The following GPC6 variants were observed in gnomAD, a reference collection of about 807,000 sequenced individuals.
The protein encoded by GPC6 is glypican 6.
Under a neutral mutation model 55.2 loss-of-function variants are expected in GPC6, and 14 were observed. The ratio of observed to expected loss-of-function variants is 0.25; its 90% CI spans 0.17 to 0.40. The LOEUF (loss-of-function observed/expected upper bound fraction) is 0.40, where lower values mean the gene tolerates loss of function less well. GPC6 is among the 10% of genes least tolerant of loss of function. The pLI, the probability that GPC6 is intolerant of heterozygous loss-of-function variation, is 1.00. For synonymous variants in GPC6, 278 were observed against 259.6 expected, an observed-to-expected ratio of 1.07 and a Z score of -0.68; for missense variants, 641 against 708.5, an observed-to-expected ratio of 0.90 and a Z score of 1.08.
In GPC6 at chr13:93,732,926, T is replaced by A. The variant is rs537848683; in HGVS notation, c.320-97228T>A. Among the ~76,000 whole-genome samples the A allele has an allele frequency of 3.3e-5, 5 of 152,150 alleles. No homozygotes were observed. The South Asian group carries it at 6.2e-4, about 19-fold the overall frequency. On this transcript the variant is annotated intron_variant, in intron 2 of 8. Coordinates refer to ENST00000377047, the MANE Select transcript of GPC6 (RefSeq NM_005708.5). ...TTATTAATGAAATATTTTACGTTGT[T>A]TTTTTTCTGTACCAGTCTTTGAAAT...
chr13:93,510,328 C>A (rs780517656), intron 1 of GPC6, among the ~76,000 whole-genome samples: 15 of 152,074 alleles, frequency 9.9e-5, no homozygotes, highest in Non-Finnish European at 2.1e-4. Flanking sequence ...CCCAAATCAG[C>A]CTTCTCAGTC....
intron 3 of GPC6, among the ~76,000 whole-genome samples, chr13:93,839,845 G>T (rs1439088203): frequency 6.6e-6 from 1 of 152,092 alleles, no homozygotes; most frequent in African/African-American, 2.4e-5. Context: ...TTATTTTTTT[G>T]ATATGTTGTT....
At chr13:94,028,885 A>G (rs918611757) in intron 4 of GPC6, among the ~76,000 whole-genome samples, 2 of 152,222 alleles carry the variant, frequency 1.3e-5, no homozygotes, top group Non-Finnish European at 2.9e-5. Flanking sequence ...AGGAAAATAC[A>G]CAGGCCTTGA....
At chr13:94,192,334 T>C (rs935859580) in intron 4 of GPC6, among the ~76,000 whole-genome samples, 1 of 152,186 alleles carries the variant, frequency 6.6e-6, no homozygotes, top group Admixed American at 6.5e-5. Context: ...TTTTGCCACA[T>C]TGGGGATAAA....
rs191382869 is a variant in GPC6 at position 93,230,580 on chromosome 13, A to T, written c.160+2964A>T. On this transcript the variant is annotated intron_variant, in intron 1 of 8. Coordinates refer to ENST00000377047, the MANE Select transcript of GPC6 (RefSeq NM_005708.5). Reference sequence around the variant, plus strand: ...TATTTAGCAATTCTTGTGGTATAGAAATGTTTCCAGATATCTAGCCAAAAG... The same window carrying T: ...TATTTAGCAATTCTTGTGGTATAGATATGTTTCCAGATATCTAGCCAAAAG... 3.5e-3 allele frequency among the ~76,000 whole-genome samples: 530 copies of T among 152,272 alleles called. 1 individual carries two copies. Among genetic ancestry groups the T allele is most frequent in the Non-Finnish European group, 5.3e-3 (361 of 67,986 alleles).
chr13:93,688,311 T>A (rs1249194204), intron 2 of GPC6, among the ~76,000 whole-genome samples: 1 of 152,096 alleles, frequency 6.6e-6, no homozygotes, highest in Admixed American at 6.6e-5. Context: ...TAGACTTTAT[T>A]AGTGCTTAGA....
chr13:93,422,816 T>TAG (rs1293463424), intron 1 of GPC6, among the ~76,000 whole-genome samples: 14 of 152,288 alleles, frequency 9.2e-5, no homozygotes, highest in Middle Eastern at 6.8e-3. Flanking sequence ...GTTTTCTCTG[T>TAG]AAAAAAGGTC....
intron 1 of GPC6, among the ~76,000 whole-genome samples, chr13:93,506,677 T>G (rs1279439610): frequency 6.6e-6 from 1 of 151,870 alleles, no homozygotes. Context: ...ATAAGCATGG[T>G]GGTTTCTATT....
At chr13:93,676,190 C>CAT (rs1310036583) in intron 2 of GPC6, among the ~76,000 whole-genome samples, 1 of 75,194 alleles carries the variant, frequency 1.3e-5, no homozygotes, top group African/African-American at 4.2e-5. Flanking sequence ...CACACACACA[C>CAT]ATATATATGT....
intron 6 of GPC6, among the ~76,000 whole-genome samples, chr13:94,371,915 C>T (rs1197364703): frequency 6.6e-6 from 1 of 152,152 alleles, no homozygotes; most frequent in Admixed American, 6.5e-5. Context: ...CATGATCACA[C>T]TTAAGAAAAT....
At chr13:94,308,124 A>G (rs1759399265) in intron 6 of GPC6, among the ~76,000 whole-genome samples, 1 of 152,218 alleles carries the variant, frequency 6.6e-6, no homozygotes, top group South Asian at 2.1e-4. Flanking sequence ...GAATAATATA[A>G]TGATATGTAT....
At chr13:93,385,129 G>C (rs1464423036) in intron 1 of GPC6, among the ~76,000 whole-genome samples, 1 of 152,228 alleles carries the variant, frequency 6.6e-6, no homozygotes, top group African/African-American at 2.4e-5. Flanking sequence ...ACAGTCCTAG[G>C]CTGGGAAACC....
chr13:93,613,014 C>G (rs1312036126), intron 2 of GPC6, among the ~76,000 whole-genome samples: 1 of 152,160 alleles, frequency 6.6e-6, no homozygotes, highest in Non-Finnish European at 1.5e-5. Flanking sequence ...TGTAACCTAA[C>G]AGTTGTGAAG....
chr13:93,927,657 A>T (rs950293500), intron 3 of GPC6, among the ~76,000 whole-genome samples: 1 of 150,462 alleles, frequency 6.6e-6, no homozygotes, highest in African/African-American at 2.5e-5. Context: ...CAAGTTACTT[A>T]ATCTGTCTTA....
chr13:93,813,802 T>G (rs1243060536), intron 2 of GPC6, among the ~76,000 whole-genome samples: 1 of 151,968 alleles, frequency 6.6e-6, no homozygotes, highest in Non-Finnish European at 1.5e-5. Context: ...AGTGTATTTT[T>G]TTTTAAAAAA....
chr13:93,219,694 T>C, the GPC6 span, among the ~76,000 whole-genome samples: 1 of 152,214 alleles, frequency 6.6e-6, no homozygotes, highest in East Asian at 1.9e-4. Flanking sequence ...GCTTTGAGTA[T>C]GCTATTTAAT....
At chr13:93,626,801 C>CAA (rs57272841) in intron 2 of GPC6, among the ~76,000 whole-genome samples, 1,319 of 67,442 alleles carry the variant, frequency 0.02, 23 homozygotes, top group African/African-American at 0.066. Context: ...GACTGCATCT[C>CAA]AAAAAAAAAA....
chr13:93,964,456 T>C (rs533329376), intron 3 of GPC6, among the ~76,000 whole-genome samples: 11 of 152,164 alleles, frequency 7.2e-5, no homozygotes, highest in Non-Finnish European at 5.9e-5. Flanking sequence ...CAACAGAATA[T>C]TCAGAATCAC....
rs144706387 is a variant in GPC6, at chr13:94,109,221, A to G, written c.877+81327A>G. ...TTATGACTGTCATGAATGAGTGCCC[A>G]GTGGATGGGTGCTATGGCAGCAGAG... On this transcript the variant is annotated intron_variant, in intron 4 of 8. Coordinates refer to ENST00000377047, the MANE Select transcript of GPC6 (RefSeq NM_005708.5). Among the ~76,000 whole-genome samples, 7 of 152,348 alleles carry G rather than the reference A, an allele frequency of 4.6e-5. 1 individual carries two copies. Among genetic ancestry groups the G allele is most frequent in the Non-Finnish European group, 1.0e-4 (7 of 68,026 alleles).
Sources: allele counts gnomAD v4.1 joint callset (sites outside exome capture counted in the v4.1 genomes callset), GRCh38; gene constraint gnomAD v4.1.1; transcripts MANE v1.5; gene names NCBI Gene and HGNC (gene_info 2026-07-23, HGNC 2026-07-21).